The following PPP3CA variants were observed in gnomAD, a reference collection of about 807,000 sequenced individuals.
The protein encoded by PPP3CA is protein phosphatase 3 catalytic subunit alpha, also known as CAM-PRP catalytic subunit.
PPP3CA carries 14 observed loss-of-function variants against 66.5 expected under a neutral mutation model. The observed-to-expected ratio is 0.21, with a 90% confidence interval of 0.14 to 0.33. The LOEUF (loss-of-function observed/expected upper bound fraction) is 0.33, where lower values mean the gene tolerates loss of function less well. Ranked by LOEUF, PPP3CA falls within the 10% of genes least tolerant of loss-of-function variation. The pLI, the probability that PPP3CA is intolerant of heterozygous loss-of-function variation, is 1.00. For missense variants in PPP3CA, 317 were observed against 639.5 expected, an observed-to-expected ratio of 0.50 and a Z score of 5.44; for synonymous variants, 232 against 226.2, an observed-to-expected ratio of 1.03 and a Z score of -0.23.
chr4:101,055,601 A>G (rs1463505137), intron 10 of PPP3CA, among the ~76,000 whole-genome samples: 1 of 152,142 alleles, frequency 6.6e-6, no homozygotes, highest in Non-Finnish European at 1.5e-5. Context: ...ACAGCCTATC[A>G]AATTCCTTTA....
intron 1 of PPP3CA, among the ~76,000 whole-genome samples, chr4:101,287,749 G>A (rs919919262): frequency 1.4e-5 from 2 of 148,056 alleles, no homozygotes; most frequent in Non-Finnish European, 3.0e-5. Context: ...ATAGTAGCTA[G>A]TGTTCTATTA....
At chr4:101,104,819 T>C (rs1443810370) in intron 3 of PPP3CA, among the ~76,000 whole-genome samples, 3 of 152,166 alleles carry the variant, frequency 2.0e-5, no homozygotes, top group Non-Finnish European at 4.4e-5. Flanking sequence ...AAGGTCACAG[T>C]CTAATCAAAA....
intron 2 of PPP3CA, among the ~76,000 whole-genome samples, chr4:101,149,003 A>T (rs1723052615): frequency 6.6e-6 from 1 of 152,146 alleles, no homozygotes; most frequent in African/African-American, 2.4e-5. Flanking sequence ...TAATTTTTTA[A>T]AATTTGTGTC....
At chr4:101,028,497 T>C (rs908116927) in intron 13 of PPP3CA, among the ~76,000 whole-genome samples, 2 of 152,158 alleles carry the variant, frequency 1.3e-5, no homozygotes, top group African/African-American at 4.8e-5. Context: ...CATTCATCAA[T>C]TGAGTGCTAC....
intron 1 of PPP3CA, among the ~76,000 whole-genome samples, chr4:101,200,206 A>T (rs1333993067): frequency 1.3e-5 from 2 of 152,144 alleles, no homozygotes; most frequent in East Asian, 1.9e-4. Flanking sequence ...TCTGAGGGTC[A>T]TTGCCATGGT....
chr4:101,189,424 A>G (rs1484413821), intron 2 of PPP3CA, among the ~76,000 whole-genome samples: 1 of 152,096 alleles, frequency 6.6e-6, no homozygotes, highest in African/African-American at 2.4e-5. Flanking sequence ...GTCATGTTAC[A>G]TATGGTTACT....
intron 2 of PPP3CA, among the ~76,000 whole-genome samples, chr4:101,120,284 C>T (rs1412190642): frequency 2.6e-5 from 4 of 152,028 alleles, no homozygotes; most frequent in Admixed American, 6.6e-5. Context: ...GACTGGTTGA[C>T]GTTTCACTTG....
At chr4:101,148,032 C>G (rs1453608479) in intron 2 of PPP3CA, among the ~76,000 whole-genome samples, 1 of 152,070 alleles carries the variant, frequency 6.6e-6, no homozygotes, top group Non-Finnish European at 1.5e-5. Context: ...AATTCCCTCT[C>G]AAAATGTTTA....
rs113402412 is a variant in PPP3CA at position 101,071,341 on chromosome 4, T to G, written c.956-7984A>C. 2.6e-3 allele frequency among the ~76,000 whole-genome samples: 392 copies of G among 152,324 alleles called. 4 individuals are homozygous for G. Among genetic ancestry groups the G allele is most frequent in the African/African-American group, 8.8e-3 (367 of 41,576 alleles). Reference sequence around the variant, plus strand: ...AAGTTCCTACACTTCATATCAACATTGTTTTCCATGGAAATAATGTTATGA... The same window carrying G: ...AAGTTCCTACACTTCATATCAACATGGTTTTCCATGGAAATAATGTTATGA... On this transcript the variant is annotated intron_variant, in intron 8 of 13. Coordinates refer to ENST00000394854, the MANE Select transcript of PPP3CA (RefSeq NM_000944.5).
intron 1 of PPP3CA, among the ~76,000 whole-genome samples, chr4:101,295,301 C>T (rs1357212010): frequency 7.2e-6 from 1 of 139,082 alleles, no homozygotes; most frequent in Non-Finnish European, 1.5e-5. Context: ...GAGCGAGACT[C>T]CGTCTCAAAA....
intron 1 of PPP3CA, among the ~76,000 whole-genome samples, chr4:101,302,711 A>C (rs1476021181): frequency 6.6e-6 from 1 of 152,194 alleles, no homozygotes; most frequent in Non-Finnish European, 1.5e-5. Context: ...CTAAAAAACC[A>C]GTTAATTTTC....
chr4:101,109,717 G>A lies in PPP3CA; in HGVS notation c.260-639C>T, dbSNP rs569989720. Among the ~76,000 whole-genome samples, 14 of 144,834 alleles carry A rather than the reference G, an allele frequency of 9.7e-5. 1 individual carries two copies. The South Asian group carries it at 2.7e-3, about 27-fold the overall frequency. On this transcript the variant is annotated intron_variant, in intron 2 of 13. Coordinates refer to ENST00000394854, the MANE Select transcript of PPP3CA (RefSeq NM_000944.5). ...TTATAAAGGAGCATTTTTACAAAAT[G>A]TTAAAGTGAAAAAAACTACAATTAT...
chr4:101,054,255 C>CA (rs1039271301), intron 10 of PPP3CA, among the ~76,000 whole-genome samples: 4 of 151,778 alleles, frequency 2.6e-5, no homozygotes, highest in African/African-American at 9.7e-5. Context: ...AATCACAGCA[C>CA]AAAAAAAGCT....
At chr4:101,105,363 C>T (rs532391878) in intron 3 of PPP3CA, among the ~76,000 whole-genome samples, 9 of 151,776 alleles carry the variant, frequency 5.9e-5, no homozygotes, top group African/African-American at 7.2e-5. Flanking sequence ...GATGGAGTTT[C>T]ACCATGTTGG....
chr4:101,239,026 G>C (rs1038312010), intron 1 of PPP3CA, among the ~76,000 whole-genome samples: 1 of 152,036 alleles, frequency 6.6e-6, no homozygotes, highest in Non-Finnish European at 1.5e-5. Context: ...TACAAACACT[G>C]TCATTCAGAG....
chr4:101,083,885 T>C (rs1729548104), intron 6 of PPP3CA, among the ~76,000 whole-genome samples: 1 of 152,218 alleles, frequency 6.6e-6, no homozygotes. Flanking sequence ...CACAAGGCTT[T>C]AGAATTTGTC....
At chr4:101,123,362 G>A (rs950565798) in intron 2 of PPP3CA, among the ~76,000 whole-genome samples, 2 of 152,154 alleles carry the variant, frequency 1.3e-5, no homozygotes, top group Admixed American at 6.5e-5. Flanking sequence ...GTCTCCTGGA[G>A]GATGTGGTAC....
chr4:101,331,235 C>A (rs1431389478), intron 1 of PPP3CA, among the ~76,000 whole-genome samples: 2 of 152,094 alleles, frequency 1.3e-5, no homozygotes, highest in South Asian at 2.1e-4. Context: ...CCTGATCTAC[C>A]ACTTACTCAC....
chr4:101,069,995 T>C (rs1466531872), intron 8 of PPP3CA, among the ~76,000 whole-genome samples: 3 of 152,152 alleles, frequency 2.0e-5, no homozygotes, highest in Non-Finnish European at 4.4e-5. Flanking sequence ...ATATGTGGAT[T>C]TCTGATTGCA....
Sources: allele counts gnomAD v4.1 joint callset (sites outside exome capture counted in the v4.1 genomes callset), GRCh38; gene constraint gnomAD v4.1.1; transcripts MANE v1.5; gene names NCBI Gene and HGNC (gene_info 2026-07-23, HGNC 2026-07-21).